NIPAL3: variants seen among roughly 807,000 people sequenced by gnomAD.
NIPAL3 encodes the protein NIPA-like protein 3.
NIPAL3 carries 41 observed loss-of-function variants against 47.2 expected under a neutral mutation model. The observed-to-expected ratio is 0.87, with a 90% CI of 0.68 to 1.13. NIPAL3 has a LOEUF of 1.13. NIPAL3 is among the 50% of genes most tolerant of loss of function. The pLI is 0.00. For synonymous variants in NIPAL3, 194 were observed against 209.6 expected (o/e 0.93, Z 0.64); for missense variants, 449 against 530.1 (o/e 0.85, Z 1.50).
intron 2 of NIPAL3, among the ~76,000 whole-genome samples, chr1:24,436,309 T>TA (rs1190567712): frequency 4.6e-5 from 7 of 152,036 alleles, no homozygotes; most frequent in Non-Finnish European, 1.0e-4. Flanking sequence ...GTTTTTTTTT[T>TA]ACCCTGCTCC....
chr1:24,415,785 A>G (rs1432031667), upstream of NIPAL3: 34 of 955,524 alleles, frequency 3.6e-5, no homozygotes, highest in South Asian at 1.2e-3. Context: ...AAAACACTGC[A>G]GCATCTTGGC....
At chr1:24,440,268 G>A in intron 3 of NIPAL3, 28 bp downstream of exon 3, 2 of 1,537,364 alleles carry the variant, frequency 1.3e-6, no homozygotes, top group Non-Finnish European at 1.8e-6. Flanking sequence ...GCACTGTCTG[G>A]GGACAGAGAC....
chr1:24,441,473 C>T (rs74060356), intron 3 of NIPAL3, among the ~76,000 whole-genome samples: 3,013 of 152,258 alleles, frequency 0.02, 85 homozygotes, highest in African/African-American at 0.063. Context: ...TTTCGATGTC[C>T]CAGGTTCACA....
At chr1:24,424,803 C>A (rs1023310656) in intron 2 of NIPAL3, among the ~76,000 whole-genome samples, 1 of 152,140 alleles carries the variant, frequency 6.6e-6, no homozygotes, top group Non-Finnish European at 1.5e-5. Context: ...TGCCACCTGG[C>A]AGACATGGTT....
rs531652919 is a variant in NIPAL3 at position 24,455,081 on chromosome 1, G to A, written c.638-1057G>A. On this transcript the variant is annotated intron_variant, in intron 7 of 11. Coordinates refer to ENST00000374399, the MANE Select transcript of NIPAL3 (RefSeq NM_020448.5). ...GTTTGGAAACAGTAGCCTAATGGGT[G>A]AGGAGCCCAAGAGACACTGCGTGTT... 3.3e-5 allele frequency among the ~76,000 whole-genome samples: 5 copies of A among 152,352 alleles called. No individual in the cohort carries two copies. In the South Asian group the frequency reaches 8.3e-4, roughly 25 times the overall value.
chr1:24,466,393 A>G (rs768281239), intron 11 of NIPAL3: 8 of 194,270 alleles, frequency 4.1e-5, no homozygotes, highest in Non-Finnish European at 7.3e-5. Flanking sequence ...CATTGTCCAA[A>G]TCATGAAAAA....
intron 7 of NIPAL3, among the ~76,000 whole-genome samples, chr1:24,455,248 T>A (rs1393845585): frequency 6.6e-6 from 1 of 152,242 alleles, no homozygotes; most frequent in Non-Finnish European, 1.5e-5. Context: ...TCTGAAAGTC[T>A]GCAGTTAGAA....
chr1:24,428,254 AAGAAAGAGAG>A (rs1234753336), intron 2 of NIPAL3, among the ~76,000 whole-genome samples: 2 of 54,132 alleles, frequency 3.7e-5, no homozygotes, highest in African/African-American at 1.2e-4. Context: ...CTGTCTCAAA[AAGAAAGAGAG>A]AGAGAGAGAG....
At chr1:24,437,963 T>C (rs1019800398) in intron 2 of NIPAL3, among the ~76,000 whole-genome samples, 10 of 152,196 alleles carry the variant, frequency 6.6e-5, no homozygotes, top group African/African-American at 2.2e-4. Flanking sequence ...GGATTCCAGG[T>C]TAAGAGTTCT....
chr1:24,456,270 CT>C lies in NIPAL3; in HGVS notation c.771del (p.Ala258ArgfsTer3). ...ATGGTGGCAACCGCCGTCTATCAGGCTGCGTGAGTTACAAATCCTTTTCCTG... is the reference window on the plus strand; with the variant it reads ...ATGGTGGCAACCGCCGTCTATCAGGCGCGTGAGTTACAAATCCTTTTCCTG... ...VCMVATAVYQ[A>X]AFLSQASQMY... On this transcript the variant is annotated frameshift_variant and splice_region_variant, in exon 8 of 12. Coordinates refer to ENST00000374399, the MANE Select transcript of NIPAL3 (RefSeq NM_020448.5). LOFTEE classifies it high-confidence loss of function. The C allele has an allele frequency of 6.2e-7, 1 of 1,614,236 alleles. No individual in the cohort carries two copies. The highest frequency in any genetic ancestry group is 8.5e-7 in the Non-Finnish European group (1 of 1,180,042).
rs1286032924 is a variant in NIPAL3, at chr1:24,456,226, C to T, written c.726C>T (p.Phe242=). The change falls in exon 8 of 12, where the codon TTC becomes TTT. Residue 242 remains phenylalanine (F), a synonymous_variant. Transcript: ENST00000374399. ...ACCTGCAGCTTGACTACCCCATCTTCTACGTGATGTTCGTGTGCATGGTGG... is the reference window on the plus strand; with the variant it reads ...ACCTGCAGCTTGACTACCCCATCTTTTACGTGATGTTCGTGTGCATGGTGG... ...QGNLQLDYPI[F]YVMFVCMVAT... 6.2e-7 allele frequency: 1 copy of T among 1,614,264 alleles called. No homozygotes were observed. Among genetic ancestry groups the T allele is most frequent in the East Asian group, 2.2e-5 (1 of 44,890 alleles).
intron 2 of NIPAL3, among the ~76,000 whole-genome samples, chr1:24,425,105 G>A (rs1262108433): frequency 6.6e-6 from 1 of 152,098 alleles, no homozygotes; most frequent in East Asian, 1.9e-4. Flanking sequence ...CATTGACACT[G>A]TGGAAGCTTT....
At position 24,466,222 on chromosome 1, in the gene NIPAL3, A is replaced by G. The variant is rs544523791; in HGVS notation, c.1021+2102A>G. On this transcript the variant is annotated intron_variant, in intron 11 of 11. Coordinates refer to ENST00000374399, the MANE Select transcript of NIPAL3 (RefSeq NM_020448.5). Reference sequence around the variant, plus strand: ...AACAGAAACAATTTCACAGAACATCAGCAGCAGACAAGGCCACTCTGCAGC... The same window carrying G: ...AACAGAAACAATTTCACAGAACATCGGCAGCAGACAAGGCCACTCTGCAGC... 77 of 829,174 alleles carry G rather than the reference A, an allele frequency of 9.3e-5. No individual in the cohort carries two copies. In the African/African-American group the frequency reaches 1.2e-3, roughly 13 times the overall value. The allele number at this position is 829,174 out of a possible 1,614,324, so 51.4% of individuals were successfully genotyped here. A position where few individuals can be genotyped will look rare whatever the true frequency, so the allele number is the denominator to read the frequency against.
chr1:24,453,116 T>G (rs562889662), intron 6 of NIPAL3, among the ~76,000 whole-genome samples: 42 of 152,298 alleles, frequency 2.8e-4, no homozygotes, highest in African/African-American at 9.6e-4. Context: ...CTCAGCCTGA[T>G]GCATCTTGGC....
At chr1:24,423,825 C>T (rs751740992) in intron 2 of NIPAL3, among the ~76,000 whole-genome samples, 18 of 152,058 alleles carry the variant, frequency 1.2e-4, no homozygotes, top group African/African-American at 1.7e-4. Context: ...TTGTCTGGTA[C>T]GTAGCCCTGG....
At position 24,454,405 on chromosome 1, in the gene NIPAL3, GA is replaced by G; in HGVS notation, c.637+903del. On this transcript the variant is annotated intron_variant, in intron 7 of 11. Coordinates refer to ENST00000374399, the MANE Select transcript of NIPAL3 (RefSeq NM_020448.5). This position sits in a 1 kb window ranked among gnomAD's most constrained non-coding sequence, Gnocchi z 4.1. Reference sequence around the variant, plus strand: ...GGCCTATGAGAACATCCAAGTCACGGAAGGGAGTGGGGGTTAAATGAGATGT... The same window carrying G: ...GGCCTATGAGAACATCCAAGTCACGGAGGGAGTGGGGGTTAAATGAGATGT... The G allele has an allele frequency of 9.7e-7, 1 of 1,033,732 alleles. No individual in the cohort carries two copies. The highest frequency in any genetic ancestry group is 1.2e-6 in the Non-Finnish European group (1 of 859,002). 64.0% of individuals were successfully genotyped at this position (1,033,732 alleles called of 1,614,324 possible). A position where few individuals can be genotyped will look rare whatever the true frequency, so the allele number is the denominator to read the frequency against.
At position 24,460,484 on chromosome 1, in the gene NIPAL3, C is replaced by T; in HGVS notation, c.866C>T (p.Ala289Val). The T allele has an allele frequency of 6.3e-7, 1 of 1,587,308 alleles. No homozygotes were observed. Among genetic ancestry groups the T allele is most frequent in the Non-Finnish European group, 8.6e-7 (1 of 1,169,420 alleles). The change falls in exon 10 of 12, where the codon GCA becomes GTA. Residue 289 changes from alanine to valine, a missense_variant. By Grantham distance (64) the Ala-to-Val change is moderately conservative. Transcript: ENST00000374399. ...LSTTIAITAG[A>V]IFYLDFIGED... is the part of the protein sequence containing the mutation. The stretch of plus-strand genomic sequence containing the variant: ...TTTCTATGATTTGCTGCTGCAGGTG[C>T]AATATTTTACCTGGACTTCATCGGG...
Position 24,454,433 on chromosome 1 carries a change from C to T in NIPAL3, c.637+929C>T. 1 of 1,008,058 alleles carries T rather than the reference C, an allele frequency of 9.9e-7. No individual in the cohort carries two copies. Among genetic ancestry groups the T allele is most frequent in the Non-Finnish European group, 1.2e-6 (1 of 843,322 alleles). The allele number at this position is 1,008,058 out of a possible 1,614,324, so 62.4% of individuals were successfully genotyped here. ...GGGAGTGGGGGTTAAATGAGATGTG[C>T]ACAGGTGGCTAATATGTGCATTTTT... On this transcript the variant is annotated intron_variant, in intron 7 of 11. Transcript: ENST00000374399. The surrounding 1 kb of genome is among the most constrained non-coding windows in gnomAD (Gnocchi z 4.1).
At chr1:24,437,729 G>A (rs1645188171) in intron 2 of NIPAL3, among the ~76,000 whole-genome samples, 1 of 152,204 alleles carries the variant, frequency 6.6e-6, no homozygotes, top group Non-Finnish European at 1.5e-5. Flanking sequence ...GGATCCCAGA[G>A]AAAGAGATTC....
Sources: allele counts gnomAD v4.1 joint callset (sites outside exome capture counted in the v4.1 genomes callset), GRCh38; gene constraint gnomAD v4.1.1; non-coding constraint Gnocchi (gnomAD v3.1); transcripts MANE v1.5; gene names NCBI Gene and HGNC (gene_info 2026-07-23, HGNC 2026-07-21).